Variants in RECK observed in about 807,000 individuals in gnomAD.
RECK encodes the protein reversion-inducing cysteine-rich protein with Kazal motifs.
RECK carries 69 observed loss-of-function variants against 115.1 expected under a neutral mutation model. That is an observed-to-expected ratio of 0.60 (90% confidence interval 0.49 to 0.73). The LOEUF is 0.73. Among genes scored for constraint, RECK ranks in the 30% least tolerant of loss-of-function variants. RECK has a pLI of 0.00. For synonymous variants in RECK, 414 were observed against 419.7 expected (o/e 0.99, Z 0.17); for missense variants, 1,047 against 1,203.7 (o/e 0.87, Z 1.93).
chr9:36,116,277 C>T (rs886748004), intron 16 of RECK, among the ~76,000 whole-genome samples: 1 of 151,956 alleles, frequency 6.6e-6, no homozygotes, highest in East Asian at 1.9e-4. Context: ...TACAGGCATG[C>T]GCCACCATGC....
Position 36,052,301 on chromosome 9 carries a change from T to A in RECK, c.137T>A (p.Met46Lys). 1 of 1,609,918 alleles carries A rather than the reference T, an allele frequency of 6.2e-7. No individual in the cohort carries two copies. Among genetic ancestry groups the A allele is most frequent in the African/African-American group, 1.3e-5 (1 of 74,930 alleles). ...LCCNHSKDNQMCRDVCEQIFS... is the reference protein window; with the variant it reads ...LCCNHSKDNQKCRDVCEQIFS... Reference sequence around the variant, plus strand: ...TGTAATCATTCAAAGGATAACCAAATGTGCCGTGATGTATGTGAACAGGTA... The same window carrying A: ...TGTAATCATTCAAAGGATAACCAAAAGTGCCGTGATGTATGTGAACAGGTA... Residue 46 changes from methionine (M) to lysine (K), a missense_variant, in exon 2 of 21, where the codon ATG (methionine) becomes AAG (lysine). Met to Lys is a moderately conservative substitution (Grantham distance 95). Transcript: ENST00000377966.
intron 6 of RECK, among the ~76,000 whole-genome samples, chr9:36,070,837 T>C (rs1195996398): frequency 6.6e-6 from 1 of 152,266 alleles, no homozygotes; most frequent in Admixed American, 6.5e-5. Flanking sequence ...CACCAGACCC[T>C]GGCCTGTAGG....
At chr9:36,041,956 G>A (rs1394453111) in intron 1 of RECK, among the ~76,000 whole-genome samples, 1 of 151,908 alleles carries the variant, frequency 6.6e-6, no homozygotes, top group East Asian at 1.9e-4. Context: ...CTAAATTATA[G>A]GTGAGTTACC....
chr9:36,037,855 G>T (rs1339418660), intron 1 of RECK, among the ~76,000 whole-genome samples: 2 of 152,034 alleles, frequency 1.3e-5, no homozygotes. Flanking sequence ...ATGTATGAGT[G>T]CACAGAGGGA....
At chr9:36,079,150 C>T (rs1329127952) in intron 6 of RECK, among the ~76,000 whole-genome samples, 2 of 152,176 alleles carry the variant, frequency 1.3e-5, no homozygotes, top group Non-Finnish European at 2.9e-5. Flanking sequence ...CCACCTCGGC[C>T]TCCCAAAGTG....
intron 6 of RECK, among the ~76,000 whole-genome samples, chr9:36,068,580 A>G (rs553278562): frequency 3.3e-4 from 51 of 152,380 alleles, no homozygotes; most frequent in African/African-American, 1.1e-3. Flanking sequence ...AAGTAAGAAC[A>G]GTAAAGAAGG....
chr9:36,043,169 C>A (rs1490120383), intron 1 of RECK, among the ~76,000 whole-genome samples: 1 of 145,024 alleles, frequency 6.9e-6, no homozygotes, highest in Non-Finnish European at 1.5e-5. Context: ...GGACTACAGG[C>A]GCCTGCCACC....
At chr9:36,076,008 A>G (rs1822433049) in intron 6 of RECK, among the ~76,000 whole-genome samples, 1 of 152,204 alleles carries the variant, frequency 6.6e-6, no homozygotes, top group Non-Finnish European at 1.5e-5. Flanking sequence ...GGCAGTGGAC[A>G]GAGAAAGGAT....
intron 1 of RECK, among the ~76,000 whole-genome samples, chr9:36,050,422 A>G (rs1424005683): frequency 6.6e-6 from 1 of 152,072 alleles, no homozygotes; most frequent in Non-Finnish European, 1.5e-5. Flanking sequence ...CTTTATATTC[A>G]TAATATATCC....
At chr9:36,097,026 A>T (rs1000618370) in intron 10 of RECK, among the ~76,000 whole-genome samples, 5 of 152,160 alleles carry the variant, frequency 3.3e-5, no homozygotes, top group African/African-American at 1.2e-4. Context: ...ACTCAATTTT[A>T]AAATTATGCA....
chr9:36,052,192 G>A (rs1305071815), intron 1 of RECK, 73 bp from the exon 2 acceptor site: 1 of 879,920 alleles, frequency 1.1e-6, no homozygotes, highest in Non-Finnish European at 1.9e-6. Flanking sequence ...AATGGTTTGT[G>A]TAACCATCTG....
chr9:36,058,852 G>T lies in RECK; in HGVS notation c.185G>T (p.Arg62Leu). The change falls in exon 3 of 21, where the codon CGA becomes CTA. Residue 62 changes from arginine to leucine, a missense_variant. Physicochemically the swap from Arg to Leu is moderately radical, Grantham distance 102. Coordinates refer to ENST00000377966, the MANE Select transcript of RECK (RefSeq NM_021111.3). ...EQIFSSKSES[R>L]LKHLLQRAPD... is the part of the protein sequence containing the mutation. Reference sequence around the variant, plus strand: ...ATTTTCTCCTCAAAAAGTGAATCCCGACTAAAACATCTGTTGCAGCGAGCC... The same window carrying T: ...ATTTTCTCCTCAAAAAGTGAATCCCTACTAAAACATCTGTTGCAGCGAGCC... 6.4e-7 allele frequency: 1 copy of T among 1,574,372 alleles called. No homozygotes were observed. Among genetic ancestry groups the T allele is most frequent in the Non-Finnish European group, 8.6e-7 (1 of 1,158,674 alleles).
Position 36,093,259 on chromosome 9 carries a change from A to G in RECK, c.1085+1916A>G, listed in dbSNP as rs543315720. 2.0e-5 allele frequency among the ~76,000 whole-genome samples: 3 copies of G among 152,318 alleles called. No homozygotes were observed. The South Asian group carries it at 6.2e-4, about 32-fold the overall frequency. On this transcript the variant is annotated intron_variant, in intron 10 of 20. Transcript: ENST00000377966. ...TCCAAAGAAGGTAACAAAATCCTAA[A>G]TCCCACAAAGTATCATGCATAATGT...
rs1823142559 is a variant in RECK at position 36,091,170 on chromosome 9, C to T, written c.912C>T (p.Leu304=). ...SKANTSTCRE[L]CTKLYSMSWG... The stretch of plus-strand genomic sequence containing the variant: ...ATTTGTGCTCTTGTTTCAGGGAACT[C>T]TGCACTAAACTTTACAGCATGAGCT... Residue 304 remains leucine, a synonymous_variant, in exon 10 of 21, where the codon CTC becomes CTT. Transcript: ENST00000377966. 1.2e-6 allele frequency: 2 copies of T among 1,613,650 alleles called. No homozygotes were observed. The highest frequency in any genetic ancestry group is 1.3e-5 in the African/African-American group (1 of 74,984).
intron 1 of RECK, among the ~76,000 whole-genome samples, chr9:36,039,232 T>C (rs1271019568): frequency 6.6e-6 from 1 of 152,168 alleles, no homozygotes; most frequent in Non-Finnish European, 1.5e-5. Flanking sequence ...CTAGGAAGCA[T>C]GTATTGCCTG....
chr9:36,097,327 CAAAAAAA>C (rs56837267), intron 10 of RECK, among the ~76,000 whole-genome samples: 1 of 69,634 alleles, frequency 1.4e-5, no homozygotes, highest in Admixed American at 1.8e-4. Flanking sequence ...GACTCCATCT[CAAAAAAA>C]AAAAAAAAAA....
intron 1 of RECK, among the ~76,000 whole-genome samples, chr9:36,038,611 T>C (rs1820757328): frequency 1.3e-5 from 2 of 152,222 alleles, no homozygotes; most frequent in Non-Finnish European, 2.9e-5. Context: ...CCACATTTAT[T>C]ATAAATGGTA....
At chr9:36,120,896 G>A in intron 19 of RECK, among the ~76,000 whole-genome samples, 160 bp downstream of exon 19, 1 of 152,170 alleles carries the variant, frequency 6.6e-6, no homozygotes, top group African/African-American at 2.4e-5. Flanking sequence ...TAGGACGAGG[G>A]TTTGCACCCA....
At position 36,117,066 on chromosome 9, in the gene RECK, C is replaced by G; in HGVS notation, c.2142C>G (p.Leu714=). 1 of 1,614,120 alleles carries G rather than the reference C, an allele frequency of 6.2e-7. No individual in the cohort carries two copies. Among genetic ancestry groups the G allele is most frequent in the African/African-American group, 1.3e-5 (1 of 75,030 alleles). The change falls in exon 17 of 21, where the codon CTC becomes CTG. Residue 714 remains leucine, a synonymous_variant. Transcript: ENST00000377966. Reference sequence around the variant, plus strand: ...AGTATGAGTGTGTACCAAGACAGCTCGCGTGTGACCAGGTCCAAGATCCTG... The same window carrying G: ...AGTATGAGTGTGTACCAAGACAGCTGGCGTGTGACCAGGTCCAAGATCCTG... ...CSQYECVPRQ[L]ACDQVQDPVC...
Sources: gnomAD v4.1 joint callset for allele counts (sites outside exome capture counted in the v4.1 genomes callset) on GRCh38, gnomAD v4.1.1 for gene constraint, MANE v1.5 for transcripts, NCBI Gene and HGNC (gene_info 2026-07-23, HGNC 2026-07-21) for gene names.